The following ST8SIA5 variants were observed in gnomAD, a reference collection of about 807,000 sequenced individuals.
ST8SIA5 encodes the protein ST8 alpha-N-acetyl-neuraminide alpha-2,8-sialyltransferase 5, also known as alpha-2,8-sialyltransferase 8E.
A neutral mutation model predicts 40.2 loss-of-function variants in ST8SIA5; 24 were observed. The observed-to-expected ratio is 0.60, with a 90% CI of 0.43 to 0.84. The LOEUF is 0.84. Among genes scored for constraint, ST8SIA5 ranks in the 40% least tolerant of loss-of-function variants. The pLI is 0.00. For synonymous variants in ST8SIA5, 198 were observed against 201.8 expected, an observed-to-expected ratio of 0.98 and a Z score of 0.16; for missense variants, 465 against 498.5, an observed-to-expected ratio of 0.93 and a Z score of 0.64.
chr18:46,726,143 G>A (rs75509451), intron 1 of ST8SIA5, among the ~76,000 whole-genome samples: 13,006 of 147,680 alleles, frequency 0.088, 846 homozygotes, highest in East Asian at 0.33. Context: ...GCAGTGAGCC[G>A]AGATTGTGCC....
At chr18:46,706,696 T>C (rs886569124) in intron 1 of ST8SIA5, among the ~76,000 whole-genome samples, 1 of 152,160 alleles carries the variant, frequency 6.6e-6, no homozygotes, top group African/African-American at 2.4e-5. Flanking sequence ...CCTTTGCAGG[T>C]AGGGTTCTGG....
intron 2 of ST8SIA5, among the ~76,000 whole-genome samples, chr18:46,692,555 C>A (rs186542840): frequency 1.2e-4 from 18 of 152,124 alleles, no homozygotes; most frequent in African/African-American, 4.1e-4. Flanking sequence ...AGGTGCACCA[C>A]CATGCCTAGC....
chr18:46,749,568 T>C (rs138599391), intron 1 of ST8SIA5, among the ~76,000 whole-genome samples: 2,055 of 152,300 alleles, frequency 0.013, 53 homozygotes, highest in African/African-American at 0.046. Flanking sequence ...GATAAACTAT[T>C]ATCAGTATGT....
chr18:46,753,172 A>G (rs1455929729), intron 1 of ST8SIA5, among the ~76,000 whole-genome samples: 4 of 152,298 alleles, frequency 2.6e-5, no homozygotes, highest in South Asian at 4.2e-4. Flanking sequence ...CCCTGCGCGC[A>G]CACACATAGT....
chr18:46,714,270 G>A (rs2039763146), intron 1 of ST8SIA5, among the ~76,000 whole-genome samples: 1 of 152,176 alleles, frequency 6.6e-6, no homozygotes, highest in African/African-American at 2.4e-5. Flanking sequence ...TTAACCTTGT[G>A]AGCATCCCCT....
chr18:46,715,374 A>G (rs1297531306), intron 1 of ST8SIA5, among the ~76,000 whole-genome samples: 1 of 152,078 alleles, frequency 6.6e-6, no homozygotes, highest in African/African-American at 2.4e-5. Flanking sequence ...AGGTGGAGGG[A>G]TGCATTTTTC....
chr18:46,709,795 C>A (rs59235376), intron 1 of ST8SIA5, among the ~76,000 whole-genome samples: 23,793 of 152,038 alleles, frequency 0.16, 1,993 homozygotes, highest in South Asian at 0.23. Flanking sequence ...TGGGATGATG[C>A]GTTATTTTTT....
intron 1 of ST8SIA5, chr18:46,721,436 C>T (rs1235503693): frequency 9.1e-6 from 14 of 1,536,026 alleles, no homozygotes; most frequent in Non-Finnish European, 1.2e-5. Context: ...AATTGGTCAG[C>T]TGGTCACCAC....
In ST8SIA5 at chr18:46,672,647, AAGAG is replaced by A. The variant is rs2039316076; in HGVS notation, c.*7391_*7394del. On this transcript the variant is annotated 3_prime_UTR_variant, in exon 7 of 7. Coordinates refer to ENST00000315087, the MANE Select transcript of ST8SIA5 (RefSeq NM_013305.6). ...AAAAAAAAAAAAGAAAGGTTCTCAG[AAGAG>A]ACTGTGCAGGGGAAAATACCTAAAG... 6.6e-6 allele frequency: 1 copy of A among 151,814 alleles called. No individual in the cohort carries two copies. The allele number at this position is 151,814 out of a possible 1,614,324, so 9.4% of individuals were successfully genotyped here. A position where few individuals can be genotyped will look rare whatever the true frequency, so the allele number is the denominator to read the frequency against.
intron 1 of ST8SIA5, among the ~76,000 whole-genome samples, chr18:46,734,361 G>T (rs1010156567): frequency 5.9e-5 from 9 of 152,188 alleles, no homozygotes; most frequent in Admixed American, 5.9e-4. Flanking sequence ...AGGGAGGAGA[G>T]GAACGGAGAG....
intron 1 of ST8SIA5, among the ~76,000 whole-genome samples, chr18:46,718,064 C>A (rs1568266907): frequency 6.6e-6 from 1 of 152,162 alleles, no homozygotes; most frequent in East Asian, 1.9e-4. Flanking sequence ...TGCTGTGGCT[C>A]ACGCCTGTAA....
chr18:46,687,440 G>A (rs996211393), intron 4 of ST8SIA5, among the ~76,000 whole-genome samples: 5 of 152,106 alleles, frequency 3.3e-5, no homozygotes, highest in African/African-American at 9.7e-5. Context: ...GGCCTTCAGC[G>A]GTCCATAGGC....
At chr18:46,743,191 C>A (rs2040104234) in intron 1 of ST8SIA5, among the ~76,000 whole-genome samples, 1 of 152,172 alleles carries the variant, frequency 6.6e-6, no homozygotes, top group Admixed American at 6.5e-5. Flanking sequence ...AGCAATGGAA[C>A]AAAGCTGGAC....
chr18:46,744,578 A>G (rs573642122), intron 1 of ST8SIA5, among the ~76,000 whole-genome samples: 1 of 152,336 alleles, frequency 6.6e-6, no homozygotes, highest in African/African-American at 2.4e-5. Context: ...GTCCTTAGAT[A>G]CCTACAAAGA....
intron 1 of ST8SIA5, among the ~76,000 whole-genome samples, chr18:46,728,367 C>T (rs563139288): frequency 7.2e-5 from 11 of 152,324 alleles, no homozygotes; most frequent in East Asian, 5.8e-4. Flanking sequence ...GTGGCACATG[C>T]GTAGCTATCC....
intron 1 of ST8SIA5, among the ~76,000 whole-genome samples, chr18:46,725,972 A>AAAAAATATATAT (rs59660372): frequency 5.5e-4 from 16 of 29,078 alleles, no homozygotes; most frequent in Non-Finnish European, 8.4e-4. Flanking sequence ...AAAAAAAAAA[A>AAAAAATATATAT]ATATATATAT....
intron 2 of ST8SIA5, among the ~76,000 whole-genome samples, chr18:46,701,130 C>CTTTTTTTTTT (rs755571106): frequency 2.2e-5 from 1 of 45,794 alleles, no homozygotes; most frequent in African/African-American, 8.5e-5. Flanking sequence ...GAGATAGGGC[C>CTTTTTTTTTT]TTTTTTTTTT....
At chr18:46,692,069 G>T in intron 3 of ST8SIA5, 100 bp downstream of exon 3, 2 of 1,249,186 alleles carry the variant, frequency 1.6e-6, no homozygotes, top group Non-Finnish European at 1.2e-6. Flanking sequence ...TGGGGAAGAT[G>T]CACGCTGAGA....
intron 1 of ST8SIA5, among the ~76,000 whole-genome samples, chr18:46,710,417 T>TTCTTTC (rs1166568029): frequency 2.2e-5 from 2 of 90,376 alleles, no homozygotes; most frequent in African/African-American, 8.2e-5. Context: ...CTTTCTTTCT[T>TTCTTTC]TTTCTTTCTC....
Sources: allele counts gnomAD v4.1 joint callset (sites outside exome capture counted in the v4.1 genomes callset), GRCh38; gene constraint gnomAD v4.1.1; transcripts MANE v1.5; gene names NCBI Gene and HGNC (gene_info 2026-07-23, HGNC 2026-07-21).